TMEM150C: variants seen among roughly 807,000 people sequenced by gnomAD.
TMEM150C encodes tentonin 3.
A neutral mutation model predicts 29.9 loss-of-function variants in TMEM150C; 10 were observed. The observed-to-expected ratio is 0.33, with a 90% confidence interval of 0.21 to 0.57. The LOEUF (loss-of-function observed/expected upper bound fraction) is 0.57, where lower values mean the gene tolerates loss of function less well. Ranked by LOEUF, TMEM150C falls within the 20% of genes least tolerant of loss-of-function variation. The pLI, the probability that TMEM150C is intolerant of heterozygous loss-of-function variation, is 0.88. For missense variants in TMEM150C, 251 were observed against 303.6 expected (o/e 0.83, Z 1.29); for synonymous variants, 101 against 112.5 (o/e 0.90, Z 0.64).
At chr4:82,550,592 A>T (rs572782353) in intron 1 of TMEM150C, among the ~76,000 whole-genome samples, 1 of 152,170 alleles carries the variant, frequency 6.6e-6, no homozygotes, top group East Asian at 1.9e-4. Context: ...CGAGGTCAGG[A>T]GATCAAGACC....
intron 1 of TMEM150C, among the ~76,000 whole-genome samples, chr4:82,545,478 T>C (rs1725346861): frequency 6.6e-6 from 1 of 152,196 alleles, no homozygotes; most frequent in South Asian, 2.1e-4. Flanking sequence ...CCTTGAGAAC[T>C]GGAGCAAGAC....
In TMEM150C at chr4:82,514,162, T is replaced by C. The variant is rs571457857; in HGVS notation, c.-10-9495A>G. 1.6e-4 allele frequency among the ~76,000 whole-genome samples: 24 copies of C among 152,224 alleles called. No individual in the cohort carries two copies. In the East Asian group the frequency reaches 3.7e-3, roughly 23 times the overall value. On this transcript the variant is annotated intron_variant, in intron 1 of 7. Coordinates refer to ENST00000449862, the MANE Select transcript of TMEM150C (RefSeq NM_001080506.3). Reference sequence around the variant, plus strand: ...GGACACCAAGAGCATGAGCAAGGGCTCTCCTGAAGAGCAGAACCAGAGTCT... The same window carrying C: ...GGACACCAAGAGCATGAGCAAGGGCCCTCCTGAAGAGCAGAACCAGAGTCT...
chr4:82,508,527 G>A (rs1187346927), intron 1 of TMEM150C, among the ~76,000 whole-genome samples: 1 of 151,644 alleles, frequency 6.6e-6, no homozygotes, highest in Admixed American at 6.6e-5. Context: ...ATGTAGGGGT[G>A]CAATCTCTGC....
chr4:82,534,387 T>C (rs896881221), intron 1 of TMEM150C, among the ~76,000 whole-genome samples: 2 of 152,076 alleles, frequency 1.3e-5, no homozygotes, highest in South Asian at 4.1e-4. Flanking sequence ...GAATACAACA[T>C]AAATATCTAA....
intron 1 of TMEM150C, among the ~76,000 whole-genome samples, chr4:82,505,150 T>G (rs1048812570): frequency 6.6e-6 from 1 of 152,222 alleles, no homozygotes. Flanking sequence ...ACAGTTAACA[T>G]GGATGATTGT....
At position 82,485,421 on chromosome 4, in the gene TMEM150C, A is replaced by G; in HGVS notation, c.*90T>C. 1.2e-6 allele frequency: 1 copy of G among 848,588 alleles called. No homozygotes were observed. The highest frequency in any genetic ancestry group is 1.8e-6 in the Non-Finnish European group (1 of 542,892). 52.6% of individuals were successfully genotyped at this position (848,588 alleles called of 1,614,324 possible). On this transcript the variant is annotated 3_prime_UTR_variant, in exon 8 of 8. Transcript: ENST00000449862. ...ATGTGTGTGTGTGTGTGTGTGTGAA[A>G]TGAGGTTCTATGTCAAGTCCTGTGA...
intron 1 of TMEM150C, among the ~76,000 whole-genome samples, chr4:82,548,868 T>TTG (rs1644526390): frequency 6.6e-6 from 1 of 152,174 alleles, no homozygotes; most frequent in Non-Finnish European, 1.5e-5. Flanking sequence ...TCCCAACCAC[T>TTG]TGTGTGTGCA....
At chr4:82,562,167 G>A (rs531803307), upstream of TMEM150C, 32 of 1,281,700 alleles carry the variant, frequency 2.5e-5, no homozygotes, top group South Asian at 3.7e-4. Flanking sequence ...AGTCACCCGG[G>A]GCAGGAGCCG....
intron 1 of TMEM150C, among the ~76,000 whole-genome samples, chr4:82,553,586 T>C (rs1481803663): frequency 6.6e-6 from 1 of 152,222 alleles, no homozygotes; most frequent in Non-Finnish European, 1.5e-5. Flanking sequence ...TCCTCTTTAA[T>C]TTCCCATTTC....
chr4:82,553,372 A>T (rs2110093679), intron 1 of TMEM150C, among the ~76,000 whole-genome samples: 1 of 152,378 alleles, frequency 6.6e-6, no homozygotes, highest in East Asian at 1.9e-4. Flanking sequence ...CTTAAGGTAC[A>T]ACATCAGAGT....
intron 5 of TMEM150C, among the ~76,000 whole-genome samples, chr4:82,499,584 G>T (rs983903467): frequency 6.6e-6 from 1 of 152,000 alleles, no homozygotes; most frequent in South Asian, 2.1e-4. Context: ...TTAGCCAGGC[G>T]TGGTGGCACA....
At chr4:82,530,105 T>G (rs538505881) in intron 1 of TMEM150C, among the ~76,000 whole-genome samples, 1 of 148,964 alleles carries the variant, frequency 6.7e-6, no homozygotes, top group Non-Finnish European at 1.5e-5. Context: ...TCTCTCTCTC[T>G]AGAGAGAGAG....
At chr4:82,528,438 A>T (rs1228250905) in intron 1 of TMEM150C, among the ~76,000 whole-genome samples, 1 of 152,212 alleles carries the variant, frequency 6.6e-6, no homozygotes, top group Non-Finnish European at 1.5e-5. Context: ...TTTGAGAACC[A>T]CAGCTCTAGT....
intron 1 of TMEM150C, among the ~76,000 whole-genome samples, chr4:82,511,982 T>C (rs982358462): frequency 2.6e-5 from 4 of 152,232 alleles, no homozygotes; most frequent in African/African-American, 9.6e-5. Flanking sequence ...AGTCTAATTT[T>C]ATTAGGGACA....
At chr4:82,546,797 A>T (rs570324417) in intron 1 of TMEM150C, among the ~76,000 whole-genome samples, 64 of 152,262 alleles carry the variant, frequency 4.2e-4, no homozygotes, top group African/African-American at 1.3e-3. Flanking sequence ...ACTGCACTCT[A>T]GCCTGGGCAA....
At chr4:82,503,630 C>G (rs1466229964) in intron 2 of TMEM150C, among the ~76,000 whole-genome samples, 1 of 152,140 alleles carries the variant, frequency 6.6e-6, no homozygotes, top group African/African-American at 2.4e-5. Context: ...GCGGGCAGAT[C>G]ACGAGGTCAG....
intron 1 of TMEM150C, among the ~76,000 whole-genome samples, chr4:82,545,859 A>C (rs1422864796): frequency 6.6e-6 from 1 of 152,126 alleles, no homozygotes; most frequent in African/African-American, 2.4e-5. Context: ...CAGGAGGCGG[A>C]GGTTGCAGTG....
intron 1 of TMEM150C, 28 bp downstream of exon 1, chr4:82,561,878 C>T (rs1725948880): frequency 9.1e-6 from 9 of 987,476 alleles, no homozygotes; most frequent in Non-Finnish European, 1.2e-6. Flanking sequence ...GCGACGGGCC[C>T]AGGCAGGGGA....
chr4:82,518,851 T>C (rs1724381974), intron 1 of TMEM150C, among the ~76,000 whole-genome samples: 1 of 152,230 alleles, frequency 6.6e-6, no homozygotes. Flanking sequence ...TGAGAGAATA[T>C]TCTTCTTTTA....
Sources: allele counts gnomAD v4.1 joint callset (sites outside exome capture counted in the v4.1 genomes callset), GRCh38; gene constraint gnomAD v4.1.1; transcripts MANE v1.5; gene names NCBI Gene and HGNC (gene_info 2026-07-23, HGNC 2026-07-21).